Variants in FAT3 observed in about 807,000 individuals in gnomAD.
FAT3 encodes protocadherin Fat 3.
Under a neutral mutation model 310.2 loss-of-function variants are expected in FAT3, and 95 were observed. That is an observed-to-expected ratio of 0.31 (90% CI 0.26 to 0.36). FAT3 has a LOEUF of 0.36. Among genes scored for constraint, FAT3 ranks in the 10% least tolerant of loss-of-function variants. The pLI, the probability that FAT3 is intolerant of heterozygous loss-of-function variation, is 1.00. For synonymous variants in FAT3, 2,314 were observed against 2,192.9 expected, an observed-to-expected ratio of 1.06 and a Z score of -1.54; for missense variants, 5,408 against 5,715.6, an observed-to-expected ratio of 0.95 and a Z score of 1.74.
At chr11:92,265,871 G>T (rs1945931225) in intron 1 of FAT3, among the ~76,000 whole-genome samples, 1 of 152,008 alleles carries the variant, frequency 6.6e-6, no homozygotes, top group Admixed American at 6.6e-5. Context: ...CCACCTTGGG[G>T]TTAGATTCAA....
In FAT3 at chr11:92,799,255, C is replaced by A; in HGVS notation, c.6242C>A (p.Ser2081Tyr). 1 of 1,613,900 alleles carries A rather than the reference C, an allele frequency of 6.2e-7. No homozygotes were observed. The highest frequency in any genetic ancestry group is 8.5e-7 in the Non-Finnish European group (1 of 1,179,856). ...AACATTGAAGACATAAATGACAATTCTCCAGTCTTTGTGGGCCTCCCATAC... is the reference window on the plus strand; with the variant it reads ...AACATTGAAGACATAAATGACAATTATCCAGTCTTTGTGGGCCTCCCATAC... ...RVNIEDINDN[S>Y]PVFVGLPYYA... is the part of the protein sequence containing the mutation. Residue 2081 changes from serine (S) to tyrosine (Y), a missense_variant, in exon 10 of 28, where the codon TCT (serine) becomes TAT (tyrosine). Physicochemically the swap from Ser to Tyr is moderately radical, Grantham distance 144. Around this residue, in one of 5 missense-constraint regions of FAT3, gnomAD observed 4,588 missense variants for 4,809.8 expected, o/e 0.95. Transcript: ENST00000525166.
chr11:92,505,440 C>T (rs1364492897), intron 2 of FAT3, among the ~76,000 whole-genome samples: 1 of 152,098 alleles, frequency 6.6e-6, no homozygotes, highest in Non-Finnish European at 1.5e-5. Flanking sequence ...TTTGGAGGAG[C>T]TGAAGCTGAA....
At chr11:92,414,250 C>G (rs1177836830) in intron 2 of FAT3, among the ~76,000 whole-genome samples, 1 of 152,162 alleles carries the variant, frequency 6.6e-6, no homozygotes, top group Non-Finnish European at 1.5e-5. Flanking sequence ...GACACCTGCC[C>G]CTTATCCCCA....
intron 2 of FAT3, among the ~76,000 whole-genome samples, chr11:92,401,535 T>C (rs1950012777): frequency 6.6e-6 from 1 of 152,120 alleles, no homozygotes; most frequent in Non-Finnish European, 1.5e-5. Flanking sequence ...GAGCTGAAGG[T>C]TGGGCAGAAA....
chr11:92,340,983 T>A (rs80129970), intron 1 of FAT3, among the ~76,000 whole-genome samples: 3,759 of 152,214 alleles, frequency 0.025, 144 homozygotes, highest in African/African-American at 0.08. Context: ...TGGCTTTGTC[T>A]TAGTCTCTGT....
intron 3 of FAT3, among the ~76,000 whole-genome samples, chr11:92,608,879 C>T (rs1940431148): frequency 6.6e-6 from 1 of 152,090 alleles, no homozygotes; most frequent in South Asian, 2.1e-4. Flanking sequence ...CAGGGGCCTG[C>T]TGGGAAGACT....
chr11:92,651,310 G>A (rs1591565651), intron 3 of FAT3, among the ~76,000 whole-genome samples: 1 of 152,306 alleles, frequency 6.6e-6, no homozygotes, highest in East Asian at 1.9e-4. Flanking sequence ...AAGATGGCTG[G>A]GCTGAAGGGA....
chr11:92,475,769 G>T (rs1337028024), intron 2 of FAT3, among the ~76,000 whole-genome samples: 1 of 152,150 alleles, frequency 6.6e-6, no homozygotes, highest in Non-Finnish European at 1.5e-5. Flanking sequence ...ACATATTTAT[G>T]AGTATGAATT....
At chr11:92,255,705 G>C (rs544957026) in intron 1 of FAT3, among the ~76,000 whole-genome samples, 1 of 152,140 alleles carries the variant, frequency 6.6e-6, no homozygotes, top group Non-Finnish European at 1.5e-5. Flanking sequence ...GCAAAGAGGG[G>C]ATAAGAGTAA....
intron 13 of FAT3, among the ~76,000 whole-genome samples, chr11:92,810,564 T>A (rs1005499999): frequency 6.6e-6 from 1 of 152,168 alleles, no homozygotes; most frequent in Non-Finnish European, 1.5e-5. Flanking sequence ...AATTACTAAA[T>A]GTGCTGCCAG....
At chr11:92,392,767 C>T (rs1214514915) in intron 2 of FAT3, among the ~76,000 whole-genome samples, 1 of 152,120 alleles carries the variant, frequency 6.6e-6, no homozygotes, top group Non-Finnish European at 1.5e-5. Flanking sequence ...AATGACTTGG[C>T]AATTGTGGAA....
intron 16 of FAT3, 61 bp from the exon 17 acceptor site, chr11:92,837,602 G>T: frequency 3.8e-6 from 6 of 1,588,718 alleles, no homozygotes; most frequent in Non-Finnish European, 4.3e-6. Flanking sequence ...GTTCCTCTGT[G>T]TGTGCACAGA....
At chr11:92,428,855 G>A (rs972602674) in intron 2 of FAT3, among the ~76,000 whole-genome samples, 2 of 152,154 alleles carry the variant, frequency 1.3e-5, no homozygotes, top group Non-Finnish European at 2.9e-5. Context: ...TGTATTTTCT[G>A]TTGATTCGGG....
intron 2 of FAT3, among the ~76,000 whole-genome samples, chr11:92,486,860 C>T (rs1167657127): frequency 6.6e-6 from 1 of 152,118 alleles, no homozygotes; most frequent in African/African-American, 2.4e-5. Flanking sequence ...TATATCCTGC[C>T]AAGATCTTGC....
At chr11:92,740,914 T>C (rs936995878) in intron 4 of FAT3, among the ~76,000 whole-genome samples, 3 of 152,230 alleles carry the variant, frequency 2.0e-5, no homozygotes, top group African/African-American at 7.2e-5. Flanking sequence ...GCCAATATTT[T>C]TCATGTCTGA....
At chr11:92,418,028 T>C (rs1437276275) in intron 2 of FAT3, among the ~76,000 whole-genome samples, 1 of 152,284 alleles carries the variant, frequency 6.6e-6, no homozygotes, top group East Asian at 1.9e-4. Flanking sequence ...GGAATTCTAG[T>C]CTCCTCACTG....
At chr11:92,550,060 G>A (rs112499317) in intron 3 of FAT3, among the ~76,000 whole-genome samples, 49 of 152,292 alleles carry the variant, frequency 3.2e-4, no homozygotes, top group African/African-American at 1.2e-3. Flanking sequence ...AGAGCTTGTA[G>A]AGTCTGCATT....
chr11:92,239,805 T>C (rs732277), intron 1 of FAT3, among the ~76,000 whole-genome samples: 44,064 of 152,016 alleles, frequency 0.29, 6,878 homozygotes, highest in Admixed American at 0.45. Flanking sequence ...TTAGGGGTCT[T>C]ATTTGCATAA....
chr11:92,461,862 C>T (rs1951646616), intron 2 of FAT3, among the ~76,000 whole-genome samples: 1 of 152,186 alleles, frequency 6.6e-6, no homozygotes, highest in Admixed American at 6.5e-5. Flanking sequence ...GCTGTACCCA[C>T]AGCAGCCTCT....
Sources: allele counts gnomAD v4.1 joint callset (sites outside exome capture counted in the v4.1 genomes callset), GRCh38; gene constraint gnomAD v4.1.1; regional missense constraint gnomAD v4.1.1; transcripts MANE v1.5; gene names NCBI Gene and HGNC (gene_info 2026-07-23, HGNC 2026-07-21).